The following PHF3 variants were observed in gnomAD, a reference collection of about 807,000 sequenced individuals.
PHF3 encodes PHD finger protein 3.
PHF3 carries 41 observed loss-of-function variants against 178.4 expected under a neutral mutation model. The ratio of observed to expected loss-of-function variants is 0.23; its 90% confidence interval spans 0.18 to 0.30. The LOEUF is 0.30. Among genes scored for constraint, PHF3 ranks in the 10% least tolerant of loss-of-function variants. The pLI, the probability that PHF3 is intolerant of heterozygous loss-of-function variation, is 1.00. For missense variants in PHF3, 2,346 were observed against 2,398.1 expected (o/e 0.98, Z 0.45); for synonymous variants, 842 against 800.5 (o/e 1.05, Z -0.88).
chr6:63,670,341 T>C (rs753926701), intron 2 of PHF3, among the ~76,000 whole-genome samples: 4 of 152,202 alleles, frequency 2.6e-5, no homozygotes, highest in African/African-American at 7.2e-5. Flanking sequence ...CTATCTCGGC[T>C]CACTGAAAGC....
intron 2 of PHF3, among the ~76,000 whole-genome samples, chr6:63,667,903 C>T (rs567867605): frequency 1.3e-5 from 2 of 152,318 alleles, no homozygotes; most frequent in East Asian, 1.9e-4. Flanking sequence ...GAATGTTTAT[C>T]ATCTGACTCT....
intron 1 of PHF3, among the ~76,000 whole-genome samples, chr6:63,639,789 G>A (rs1020849595): frequency 6.6e-6 from 1 of 152,160 alleles, no homozygotes; most frequent in Non-Finnish European, 1.5e-5. Context: ...CATATAGTGT[G>A]TGCCAATTAC....
chr6:63,690,537 A>G (rs776411103), intron 4 of PHF3, among the ~76,000 whole-genome samples: 2 of 152,152 alleles, frequency 1.3e-5, no homozygotes, highest in African/African-American at 4.8e-5. Flanking sequence ...TGAATTGACC[A>G]TATCACCCAG....
rs933169926 is a variant in PHF3 at position 63,721,425 on chromosome 6, G to A, written c.*7717G>A. Reference sequence around the variant, plus strand: ...TGTCCCATCACAGTCACCTACATTTGAGCCACCTTTTGCTCCAAATTCAGT... The same window carrying A: ...TGTCCCATCACAGTCACCTACATTTAAGCCACCTTTTGCTCCAAATTCAGT... On this transcript the variant is annotated 3_prime_UTR_variant, in exon 16 of 16. Transcript: ENST00000262043. 6.4e-7 allele frequency: 1 copy of A among 1,551,508 alleles called. No homozygotes were observed. The highest frequency in any genetic ancestry group is 2.4e-5 in the East Asian group (1 of 40,928).
chr6:63,704,771 G>A (rs527662677), intron 11 of PHF3, among the ~76,000 whole-genome samples: 2 of 152,186 alleles, frequency 1.3e-5, no homozygotes, highest in Non-Finnish European at 2.9e-5. Context: ...GAGCACAATT[G>A]CTGGATTGTA....
chr6:63,713,199 C>T lies in PHF3; in HGVS notation c.5611C>T (p.Pro1871Ser). 1.2e-6 allele frequency: 2 copies of T among 1,614,024 alleles called. No individual in the cohort carries two copies. The highest frequency in any genetic ancestry group is 2.2e-5 in the East Asian group (1 of 44,876). ...AGGTCAGCCACAGCGTATGATGGGT[C>T]CTCTCTCACAAGCATCAAGGTATAT... ...LPGQPQRMMG[P>S]LSQASRYIGP... Residue 1871 changes from proline (P) to serine (S), a missense_variant, in exon 16 of 16, where the codon CCT (proline) becomes TCT (serine). Coordinates refer to ENST00000262043, the MANE Select transcript of PHF3 (RefSeq NM_001370348.2).
Position 63,684,527 on chromosome 6 carries a change from A to G in PHF3, c.805A>G (p.Lys269Glu), listed in dbSNP as rs1766588479. Residue 269 changes from lysine (K) to glutamate (E), a missense_variant, in exon 4 of 16, where the codon AAA becomes GAA. Physicochemically the swap from Lys to Glu is moderately conservative, Grantham distance 56. This residue lies in a region of PHF3 where 843 missense variants were observed against 795.2 expected (regional missense o/e 1.06). Transcript: ENST00000262043. Reference sequence around the variant, plus strand: ...GACTTGTGTTACTATTGGAGAAAAGAAAAATGAAGCTTTGATGGAATGTAA... The same window carrying G: ...GACTTGTGTTACTATTGGAGAAAAGGAAAATGAAGCTTTGATGGAATGTAA... ...SETCVTIGEK[K>E]NEALMECKAK... 6.2e-7 allele frequency: 1 copy of G among 1,613,184 alleles called. No homozygotes were observed.
At chr6:63,662,955 A>G (rs1424926667) in intron 2 of PHF3, among the ~76,000 whole-genome samples, 6 of 152,204 alleles carry the variant, frequency 3.9e-5, no homozygotes, top group Non-Finnish European at 7.3e-5. Context: ...CAATCTCAGA[A>G]GATACAGTGT....
At chr6:63,676,115 T>C (rs1232596884) in intron 2 of PHF3, among the ~76,000 whole-genome samples, 1 of 152,238 alleles carries the variant, frequency 6.6e-6, no homozygotes, top group Non-Finnish European at 1.5e-5. Context: ...TCTTTCCAAC[T>C]TCTCTGTTTG....
chr6:63,704,359 T>G (rs1767603593), intron 11 of PHF3, among the ~76,000 whole-genome samples: 1 of 152,036 alleles, frequency 6.6e-6, no homozygotes, highest in South Asian at 2.1e-4. Context: ...TACAGAGTAT[T>G]TTCACTGCCC....
At chr6:63,690,839 T>A (rs1766965751) in intron 4 of PHF3, among the ~76,000 whole-genome samples, 1 of 152,056 alleles carries the variant, frequency 6.6e-6, no homozygotes, top group African/African-American at 2.4e-5. Context: ...TTTTCAAAAG[T>A]AGTTATAGAT....
chr6:63,673,749 C>A (rs1339631215), intron 2 of PHF3, among the ~76,000 whole-genome samples: 1 of 152,204 alleles, frequency 6.6e-6, no homozygotes, highest in Non-Finnish European at 1.5e-5. Flanking sequence ...CAATACCTTA[C>A]AACTGAAAGT....
At position 63,665,842 on chromosome 6, in the gene PHF3, G is replaced by GAC. The variant is rs1266910412; in HGVS notation, c.245-14157_245-14156insCA. On this transcript the variant is annotated intron_variant, in intron 2 of 15. Coordinates refer to ENST00000262043, the MANE Select transcript of PHF3 (RefSeq NM_001370348.2). Reference sequence around the variant, plus strand: ...TTACAAAGTATTTTTAGTATAAAAGGAACTATATTTATATTAATGACATTC... The same window carrying GAC: ...TTACAAAGTATTTTTAGTATAAAAGGACAACTATATTTATATTAATGACATTC... 2.0e-5 allele frequency among the ~76,000 whole-genome samples: 3 copies of GAC among 152,022 alleles called. No individual in the cohort carries two copies. In the South Asian group the frequency reaches 6.2e-4, roughly 32 times the overall value.
At chr6:63,673,432 T>TA (rs1052374055) in intron 2 of PHF3, among the ~76,000 whole-genome samples, 59 of 147,106 alleles carry the variant, frequency 4.0e-4, no homozygotes, top group Admixed American at 8.1e-4. Context: ...CCTGAAACAT[T>TA]AAAAAAAAAA....
intron 2 of PHF3, among the ~76,000 whole-genome samples, chr6:63,652,736 G>A (rs995057778): frequency 2.0e-5 from 3 of 151,904 alleles, no homozygotes; most frequent in Non-Finnish European, 2.9e-5. Context: ...GTTTAGTTTC[G>A]TTTTTCTGCA....
chr6:63,709,750 C>T (rs73762459), intron 14 of PHF3, among the ~76,000 whole-genome samples: 6,047 of 152,206 alleles, frequency 0.04, 423 homozygotes, highest in African/African-American at 0.14. Context: ...CATAGCCATC[C>T]ATACATAGCT....
At position 63,725,167 on chromosome 6, in the gene PHF3, G is replaced by A. The variant is rs975241986; in HGVS notation, c.*11459G>A. 1.3e-5 allele frequency among the ~76,000 whole-genome samples: 2 copies of A among 151,972 alleles called. No individual in the cohort carries two copies. Among genetic ancestry groups the A allele is most frequent in the African/African-American group, 4.8e-5 (2 of 41,402 alleles). On this transcript the variant is annotated 3_prime_UTR_variant, in exon 16 of 16. Coordinates refer to ENST00000262043, the MANE Select transcript of PHF3 (RefSeq NM_001370348.2). Reference sequence around the variant, plus strand: ...ATAAGTGTCAAATGCAGCATCAATCGTGTGAAACTAATGAATCTCTGTAAG... The same window carrying A: ...ATAAGTGTCAAATGCAGCATCAATCATGTGAAACTAATGAATCTCTGTAAG...
intron 6 of PHF3, among the ~76,000 whole-genome samples, chr6:63,697,605 G>C (rs1767287756): frequency 6.6e-6 from 1 of 152,122 alleles, no homozygotes; most frequent in Non-Finnish European, 1.5e-5. Context: ...CAACACACAT[G>C]TTTAAAAGAG....
intron 3 of PHF3, among the ~76,000 whole-genome samples, chr6:63,683,721 T>C (rs1321342734): frequency 1.3e-5 from 2 of 152,226 alleles, no homozygotes; most frequent in East Asian, 3.9e-4. Flanking sequence ...TTTGGTTTTA[T>C]ATATTTAGAA....
Sources: gnomAD v4.1 joint callset for allele counts (sites outside exome capture counted in the v4.1 genomes callset) on GRCh38, gnomAD v4.1.1 for gene constraint, gnomAD v4.1.1 regional missense constraint, MANE v1.5 for transcripts, NCBI Gene and HGNC (gene_info 2026-07-23, HGNC 2026-07-21) for gene names.